The following PLXNA4 variants were observed in gnomAD, a reference collection of about 807,000 sequenced individuals.
PLXNA4 encodes the protein plexin A4, also known as plexin-A4.
In PLXNA4, 44 loss-of-function variants were observed where a neutral mutation model predicts 191.8. That is an observed-to-expected ratio of 0.23 (90% CI 0.18 to 0.29). PLXNA4 has a LOEUF of 0.29. PLXNA4 is among the 10% of genes least tolerant of loss of function. The pLI, the probability that PLXNA4 is intolerant of heterozygous loss-of-function variation, is 1.00. For synonymous variants in PLXNA4, 1,082 were observed against 1,009.5 expected (o/e 1.07, Z -1.36); for missense variants, 1,800 against 2,488.8 (o/e 0.72, Z 5.89).
At chr7:132,227,902 T>C (rs1798384432) in intron 6 of PLXNA4, among the ~76,000 whole-genome samples, 1 of 152,198 alleles carries the variant, frequency 6.6e-6, no homozygotes, top group African/African-American at 2.4e-5. Flanking sequence ...GACTGAGGCA[T>C]GGCTGATGGA....
Position 132,413,974 on chromosome 7 carries a change from T to G in PLXNA4, c.1371+75318A>C, listed in dbSNP as rs984940367. On this transcript the variant is annotated intron_variant, in intron 3 of 31. Transcript: ENST00000321063. ...GTCATACTCTTACACTGCTAGTCACTACACAAGTCTCCCAATCATGGCAGA... is the reference window on the plus strand; with the variant it reads ...GTCATACTCTTACACTGCTAGTCACGACACAAGTCTCCCAATCATGGCAGA... Among the ~76,000 whole-genome samples the G allele has an allele frequency of 9.2e-5, 14 of 152,314 alleles. 1 individual carries two copies. In the South Asian group the frequency reaches 2.9e-3, roughly 32 times the overall value.
At position 132,484,880 on chromosome 7, in the gene PLXNA4, A is replaced by C. The variant is rs781714359; in HGVS notation, c.1371+4412T>G. ...CAGAGGCTGGACTCTCTGATCTGATATTGCTTTGTGACTTGAGCACTGAAG... is the reference window on the plus strand; with the variant it reads ...CAGAGGCTGGACTCTCTGATCTGATCTTGCTTTGTGACTTGAGCACTGAAG... On this transcript the variant is annotated intron_variant, in intron 3 of 31. Coordinates refer to ENST00000321063, the MANE Select transcript of PLXNA4 (RefSeq NM_020911.2). 7 of 1,614,038 alleles carry C rather than the reference A, an allele frequency of 4.3e-6. No homozygotes were observed. The Admixed American group carries it at 5.0e-5, about 12-fold the overall frequency.
Position 132,511,466 on chromosome 7 carries a change from A to C in PLXNA4, c.-86-2687T>G, listed in dbSNP as rs1798712482. On this transcript the variant is annotated intron_variant, in intron 1 of 31. Transcript: ENST00000321063. ...CCTTGTTAACTCATGTAAGCCCCAA[A>C]CAGAAATCCTGGGATATCACCTACC... 2.0e-5 allele frequency among the ~76,000 whole-genome samples: 3 copies of C among 152,172 alleles called. No individual in the cohort carries two copies. In the South Asian group the frequency reaches 6.2e-4, roughly 32 times the overall value.
chr7:132,179,956 G>A, intron 19 of PLXNA4, 35 bp from the exon 20 acceptor site: 1 of 1,572,374 alleles, frequency 6.4e-7, no homozygotes, highest in Non-Finnish European at 8.7e-7. Context: ...AGCTGGGTGT[G>A]GGGACGCAGC....
intron 4 of PLXNA4, among the ~76,000 whole-genome samples, chr7:132,290,326 C>G (rs1449377825): frequency 6.6e-6 from 1 of 152,218 alleles, no homozygotes; most frequent in Non-Finnish European, 1.5e-5. Flanking sequence ...AAATCTGCCA[C>G]TTCCTCTGGG....
intron 3 of PLXNA4, among the ~76,000 whole-genome samples, chr7:132,436,994 G>A (rs925260564): frequency 1.3e-5 from 2 of 152,198 alleles, no homozygotes; most frequent in Non-Finnish European, 2.9e-5. Flanking sequence ...CTGCTGCAAT[G>A]CCCTACAGAT....
chr7:132,168,724 G>A (rs182250978), intron 21 of PLXNA4, 152 bp from the exon 22 acceptor site: 1 of 1,135,390 alleles, frequency 8.8e-7, no homozygotes, highest in East Asian at 2.8e-5. Context: ...TTAGCACTGA[G>A]TTAAGTATCT....
intron 1 of PLXNA4, among the ~76,000 whole-genome samples, chr7:132,532,815 T>C (rs1296701031): frequency 6.6e-6 from 1 of 152,232 alleles, no homozygotes; most frequent in Non-Finnish European, 1.5e-5. Context: ...TTGTCATGCC[T>C]TCACCCAGTT....
At chr7:132,553,993 CCT>C (rs2116590687) in intron 1 of PLXNA4, among the ~76,000 whole-genome samples, 1 of 152,170 alleles carries the variant, frequency 6.6e-6, no homozygotes, top group South Asian at 2.1e-4. Flanking sequence ...CACCAAAAGC[CCT>C]GTCTAAAGAA....
intron 3 of PLXNA4, among the ~76,000 whole-genome samples, chr7:132,449,003 A>G (rs546333371): frequency 6.8e-6 from 1 of 146,922 alleles, no homozygotes; most frequent in Admixed American, 6.7e-5. Flanking sequence ...ATTTTGGTTT[A>G]TTAATTGAAT....
At chr7:132,561,748 T>TCTCCTCCTCCTCCTTCTC (rs1563173034) in intron 1 of PLXNA4, among the ~76,000 whole-genome samples, 4 of 47,594 alleles carry the variant, frequency 8.4e-5, no homozygotes, top group Non-Finnish European at 1.2e-4. Flanking sequence ...TCCTCCTTCT[T>TCTCCTCCTCCTCCTTCTC]CTCCTCCTCC....
At chr7:132,518,771 C>T (rs1052387187) in intron 1 of PLXNA4, among the ~76,000 whole-genome samples, 1 of 152,158 alleles carries the variant, frequency 6.6e-6, no homozygotes, top group Non-Finnish European at 1.5e-5. Flanking sequence ...GCCTGTGAGC[C>T]TCTCCATTCA....
At chr7:132,350,980 G>A (rs1803462227) in intron 3 of PLXNA4, among the ~76,000 whole-genome samples, 1 of 152,242 alleles carries the variant, frequency 6.6e-6, no homozygotes, top group Non-Finnish European at 1.5e-5. Flanking sequence ...ACTGATCCAT[G>A]CTACAATGTG....
At chr7:132,182,847 A>G (rs998561924) in intron 16 of PLXNA4, among the ~76,000 whole-genome samples, 1 of 152,252 alleles carries the variant, frequency 6.6e-6, no homozygotes, top group Non-Finnish European at 1.5e-5. Context: ...AGGGCACAGG[A>G]CTGCTGACAG....
At chr7:132,185,535 C>A in intron 15 of PLXNA4, 72 bp from the exon 16 acceptor site, 1 of 1,524,254 alleles carries the variant, frequency 6.6e-7, no homozygotes, top group Non-Finnish European at 8.8e-7. Flanking sequence ...CAAGGCCCTC[C>A]CACACCGCTC....
chr7:132,176,162 T>C (rs1796448192), intron 20 of PLXNA4, among the ~76,000 whole-genome samples: 1 of 152,108 alleles, frequency 6.6e-6, no homozygotes, highest in African/African-American at 2.4e-5. Context: ...GCCAGGAGAA[T>C]CCCAAGACTG....
intron 2 of PLXNA4, among the ~76,000 whole-genome samples, chr7:132,600,024 TA>T (rs1237996045): frequency 1.3e-5 from 2 of 152,244 alleles, no homozygotes; most frequent in African/African-American, 4.8e-5. Context: ...TCACTTGGAA[TA>T]AATCCTACTT....
intron 3 of PLXNA4, among the ~76,000 whole-genome samples, chr7:132,322,184 C>CTTTTTTT (rs5887566): frequency 3.2e-4 from 39 of 122,468 alleles, no homozygotes; most frequent in African/African-American, 5.7e-4. Context: ...CCTAAAAGGG[C>CTTTTTTT]TTTTTTTTTT....
At chr7:132,565,530 T>A (rs749516615) in intron 1 of PLXNA4, among the ~76,000 whole-genome samples, 1 of 152,132 alleles carries the variant, frequency 6.6e-6, no homozygotes, top group African/African-American at 2.4e-5. Context: ...TTCCTTGAAG[T>A]GTTCTCTTTG....
Sources: allele counts gnomAD v4.1 joint callset (sites outside exome capture counted in the v4.1 genomes callset), GRCh38; gene constraint gnomAD v4.1.1; transcripts MANE v1.5; gene names NCBI Gene and HGNC (gene_info 2026-07-23, HGNC 2026-07-21).